Variants in ATCAY observed in about 807,000 individuals in gnomAD.
ATCAY encodes the protein ATCAY kinesin light chain interacting caytaxin.
A neutral mutation model predicts 47.7 loss-of-function variants in ATCAY; 22 were observed. The ratio of observed to expected loss-of-function variants is 0.46; its 90% CI spans 0.33 to 0.66. The LOEUF is 0.66. Ranked by LOEUF, ATCAY falls within the 30% of genes least tolerant of loss-of-function variation. The probability of loss-of-function intolerance (pLI) is 0.02; values close to 1 mark genes in which losing one functional copy is unlikely to be tolerated. For missense variants in ATCAY, 452 were observed against 515.0 expected (o/e 0.88, Z 1.18); for synonymous variants, 216 against 207.6 (o/e 1.04, Z -0.35).
At chr19:3,903,431 C>T (rs1036747174) in intron 3 of ATCAY, among the ~76,000 whole-genome samples, 2 of 152,072 alleles carry the variant, frequency 1.3e-5, no homozygotes, top group African/African-American at 4.8e-5. Flanking sequence ...AGGTTGGCAC[C>T]GTGGGGAGAG....
chr19:3,900,590 G>A (rs1308801055), intron 2 of ATCAY, among the ~76,000 whole-genome samples: 2 of 152,108 alleles, frequency 1.3e-5, no homozygotes, highest in African/African-American at 2.4e-5. Context: ...AGGCTGGAGA[G>A]CAGTGGCACG....
chr19:3,886,436 C>CA (rs1489181724), intron 2 of ATCAY, among the ~76,000 whole-genome samples: 1 of 151,912 alleles, frequency 6.6e-6, no homozygotes, highest in Non-Finnish European at 1.5e-5. Flanking sequence ...ACTAAAAATA[C>CA]AAAAATTAGC....
chr19:3,904,755 C>T (rs913284062), intron 3 of ATCAY, among the ~76,000 whole-genome samples: 15 of 152,084 alleles, frequency 9.9e-5, no homozygotes, highest in African/African-American at 3.6e-4. Flanking sequence ...GTTACAGGAT[C>T]CTCATGAGTG....
intron 10 of ATCAY, 82 bp downstream of exon 10, chr19:3,917,859 A>G: frequency 6.7e-7 from 1 of 1,493,790 alleles, no homozygotes; most frequent in Non-Finnish European, 9.1e-7. Flanking sequence ...CAACCCGGTG[A>G]CTTCTGGGCA....
rs536660274 is a variant in ATCAY, at chr19:3,882,569, G to A, written c.-42+1561G>A. 7.6e-5 allele frequency among the ~76,000 whole-genome samples: 11 copies of A among 145,676 alleles called. No homozygotes were observed. The South Asian group carries it at 1.1e-3, about 15-fold the overall frequency. On this transcript the variant is annotated intron_variant, in intron 1 of 12. Transcript: ENST00000450849. ...TGGTCTTGACCTTCCAGGCTCAAGC[G>A]ATCCTCCTATCTCAGCCTCCCAAAG...
At position 3,913,881 on chromosome 19, in the gene ATCAY, G is replaced by A. The variant is rs374543450; in HGVS notation, c.965+25G>A. On this transcript the variant is annotated intron_variant, in intron 9 of 12. Coordinates refer to ENST00000450849, the MANE Select transcript of ATCAY (RefSeq NM_033064.5). ...AGTGAGTGGCCCCACAGTCCACCCC[G>A]CCGTATTAGTCTGTTTTCGTGCTGC... is the stretch of plus-strand genomic sequence containing the variant. The A allele has an allele frequency of 6.0e-5, 95 of 1,582,764 alleles. No homozygotes were observed. The African/African-American group carries it at 7.9e-4, about 13-fold the overall frequency.
Position 3,903,315 on chromosome 19 carries a change from G to C in ATCAY, c.136+770G>C, listed in dbSNP as rs367884750. Among the ~76,000 whole-genome samples the C allele has an allele frequency of 8.6e-5, 13 of 151,974 alleles. No individual in the cohort carries two copies. In the East Asian group the frequency reaches 9.7e-4, roughly 11 times the overall value. On this transcript the variant is annotated intron_variant, in intron 3 of 12. Coordinates refer to ENST00000450849, the MANE Select transcript of ATCAY (RefSeq NM_033064.5). ...GAGGAAAAAAATCATAATGTATCAG[G>C]CTCTGAAGCCCCAGATCCCGGGGAT...
chr19:3,923,000 C>T (rs1214815195), intron 12 of ATCAY, among the ~76,000 whole-genome samples: 6 of 152,158 alleles, frequency 3.9e-5, no homozygotes, highest in Admixed American at 1.3e-4. Context: ...CCGCTTCGGC[C>T]TCCCAAAGTG....
intron 8 of ATCAY, among the ~76,000 whole-genome samples, chr19:3,912,585 T>G (rs2145254988): frequency 6.6e-6 from 1 of 152,106 alleles, no homozygotes; most frequent in Non-Finnish European, 1.5e-5. Flanking sequence ...GAAAAAAATT[T>G]TTTTTTAAAT....
chr19:3,902,561 C>A lies in ATCAY; in HGVS notation c.136+16C>A, dbSNP rs746877635. On this transcript the variant is annotated intron_variant, in intron 3 of 12. Coordinates refer to ENST00000450849, the MANE Select transcript of ATCAY (RefSeq NM_033064.5). ...GACACATCCTGTAAGTTTCCACGTCCACAGAAGGGCGGAAACAGGCTCAGT... is the reference window on the plus strand; with the variant it reads ...GACACATCCTGTAAGTTTCCACGTCAACAGAAGGGCGGAAACAGGCTCAGT... 4.5e-6 allele frequency: 7 copies of A among 1,559,974 alleles called. No homozygotes were observed. The South Asian group carries it at 8.3e-5, about 18-fold the overall frequency.
chr19:3,910,045 T>C (rs1038951961), intron 7 of ATCAY, among the ~76,000 whole-genome samples: 2 of 151,908 alleles, frequency 1.3e-5, no homozygotes, highest in Non-Finnish European at 2.9e-5. Flanking sequence ...GCCGAGATCA[T>C]GCCACTGCAC....
In ATCAY at chr19:3,920,805, G is replaced by T. The variant is rs201358089; in HGVS notation, c.1106+7G>T. On this transcript the variant is annotated splice_region_variant and intron_variant, in intron 12 of 12. Transcript: ENST00000450849. ...CAGAAGATCAGGAAACAAGGTGGGT[G>T]TGATGCAGAGTGGTCTTCGTGCTGT... 1.9e-6 allele frequency: 3 copies of T among 1,613,558 alleles called. No homozygotes were observed. In the East Asian group the frequency reaches 6.7e-5, roughly 36 times the overall value.
At position 3,902,528 on chromosome 19, in the gene ATCAY, C is replaced by T. The variant is rs549656846; in HGVS notation, c.119C>T (p.Pro40Leu). ...EETGVELLGSPVEDTSSPPNT... is the reference protein window; with the variant it reads ...EETGVELLGSLVEDTSSPPNT... ...ACGGGGGTGGAACTGCTTGGCAGCCCGGTGGAAGACACATCCTGTAAGTTT... is the reference window on the plus strand; with the variant it reads ...ACGGGGGTGGAACTGCTTGGCAGCCTGGTGGAAGACACATCCTGTAAGTTT... The change falls in exon 3 of 13, where the codon CCG becomes CTG. Residue 40 changes from proline (P) to leucine (L), a missense_variant. Transcript: ENST00000450849. 53 of 1,574,908 alleles carry T rather than the reference C, an allele frequency of 3.4e-5. No homozygotes were observed. Among genetic ancestry groups the T allele is most frequent in the Admixed American group, 2.0e-4 (11 of 54,242 alleles).
intron 12 of ATCAY, 101 bp from the exon 13 acceptor site, chr19:3,924,482 C>T (rs1246326402): frequency 7.0e-6 from 10 of 1,436,872 alleles, no homozygotes; most frequent in East Asian, 4.6e-5. Flanking sequence ...AGTTCACCCA[C>T]GCTGGGTGGG....
At position 3,895,891 on chromosome 19, in the gene ATCAY, AT is replaced by A. The variant is rs899725898; in HGVS notation, c.78-6590del. Among the ~76,000 whole-genome samples the A allele has an allele frequency of 1.3e-4, 20 of 150,946 alleles. No individual in the cohort carries two copies. In the East Asian group the frequency reaches 3.1e-3, roughly 24 times the overall value. ...CCACCATGCCTGGCTAATATGTTGTATTTTTTGTAGAGATGGGGTCTCACTA... is the reference window on the plus strand; with the variant it reads ...CCACCATGCCTGGCTAATATGTTGTATTTTTGTAGAGATGGGGTCTCACTA... On this transcript the variant is annotated intron_variant, in intron 2 of 12. Coordinates refer to ENST00000450849, the MANE Select transcript of ATCAY (RefSeq NM_033064.5).
rs1417628696 is a variant in ATCAY, at chr19:3,919,003, C to T, written c.1073+126C>T. On this transcript the variant is annotated intron_variant, in intron 11 of 12. Coordinates refer to ENST00000450849, the MANE Select transcript of ATCAY (RefSeq NM_033064.5). ...CAGAAAATGGAACTAAGTGGCCGGCCATGGTGGCTCACGCCTGTAATCCCA... is the reference window on the plus strand; with the variant it reads ...CAGAAAATGGAACTAAGTGGCCGGCTATGGTGGCTCACGCCTGTAATCCCA... 3 of 1,154,998 alleles carry T rather than the reference C, an allele frequency of 2.6e-6. No homozygotes were observed. The African/African-American group carries it at 4.6e-5, about 18-fold the overall frequency. The allele number at this position is 1,154,998 out of a possible 1,614,324, so 71.5% of individuals were successfully genotyped here. A position where few individuals can be genotyped will look rare whatever the true frequency, so the allele number is the denominator to read the frequency against.
At chr19:3,890,633 C>T (rs983406511) in intron 2 of ATCAY, among the ~76,000 whole-genome samples, 2 of 152,190 alleles carry the variant, frequency 1.3e-5, no homozygotes, top group Non-Finnish European at 2.9e-5. Flanking sequence ...CCGAGCGCAC[C>T]TGCAAATGCA....
intron 10 of ATCAY, among the ~76,000 whole-genome samples, chr19:3,918,080 TA>T (rs1402168233): frequency 3.3e-5 from 5 of 152,026 alleles, no homozygotes; most frequent in Non-Finnish European, 7.4e-5. Context: ...CCATAAAGCA[TA>T]AAAGTCAAGA....
chr19:3,915,209 G>A (rs1464443450), intron 9 of ATCAY, among the ~76,000 whole-genome samples: 2 of 151,848 alleles, frequency 1.3e-5, no homozygotes, highest in East Asian at 1.9e-4. Flanking sequence ...TTTCACTCTT[G>A]TTGCCCAGGC....
Sources: allele counts gnomAD v4.1 joint callset (sites outside exome capture counted in the v4.1 genomes callset), GRCh38; gene constraint gnomAD v4.1.1; transcripts MANE v1.5; gene names NCBI Gene and HGNC (gene_info 2026-07-23, HGNC 2026-07-21).